The following ARHGAP6 variants were observed in gnomAD, a reference collection of about 807,000 sequenced individuals.
The protein encoded by ARHGAP6 is rho GTPase-activating protein 6.
ARHGAP6 carries 16 observed loss-of-function variants against 55.7 expected under a neutral mutation model. The observed-to-expected ratio is 0.29, with a 90% CI of 0.19 to 0.44. The LOEUF (loss-of-function observed/expected upper bound fraction) is 0.44, where lower values mean the gene tolerates loss of function less well. Ranked by LOEUF, ARHGAP6 falls within the 20% of genes least tolerant of loss-of-function variation. The probability of loss-of-function intolerance (pLI) is 1.00; values close to 1 mark genes in which losing one functional copy is unlikely to be tolerated. For missense variants in ARHGAP6, 698 were observed against 808.9 expected, an observed-to-expected ratio of 0.86 and a Z score of 1.66; for synonymous variants, 382 against 360.9, an observed-to-expected ratio of 1.06 and a Z score of -0.66.
intron 1 of ARHGAP6, among the ~76,000 whole-genome samples, chrX:11,356,176 C>T (rs1328503214): frequency 9.1e-6 from 1 of 110,368 alleles, no homozygotes; most frequent in East Asian, 2.8e-4. Flanking sequence ...TAGTTTGACA[C>T]ACCACATGTT....
At chrX:11,276,189 T>TC (rs752686362) in intron 1 of ARHGAP6, among the ~76,000 whole-genome samples, 6 of 111,206 alleles carry the variant, frequency 5.4e-5, no homozygotes, top group Non-Finnish European at 1.1e-4. Flanking sequence ...GATACGTCCC[T>TC]CCTATGTAAC....
rs1354007468 is a variant in ARHGAP6, at chrX:11,435,504, T to C, written c.589-180797A>G. ...ACCATGGGCATCAGCATCACTTGGG[T>C]GGGTTTTTAAAAATAGATTTTGAGG... On this transcript the variant is annotated intron_variant, in intron 1 of 12. Transcript: ENST00000337414. Among the ~76,000 whole-genome samples the C allele has an allele frequency of 6.3e-5, 7 of 111,861 alleles. No individual in the cohort carries two copies. In the East Asian group the frequency reaches 2.0e-3, roughly 31 times the overall value.
chrX:11,429,892 A>G (rs1480988854), intron 1 of ARHGAP6, among the ~76,000 whole-genome samples: 3 of 112,316 alleles, frequency 2.7e-5, no homozygotes, highest in Non-Finnish European at 5.6e-5. Context: ...CAGCCAGGGC[A>G]GCCTGATGGG....
chrX:11,552,599 T>TATATATATATATATATACAC (rs1491079107), intron 1 of ARHGAP6, among the ~76,000 whole-genome samples: 1 of 48,230 alleles, frequency 2.1e-5, no homozygotes, highest in African/African-American at 9.0e-5. Context: ...TATATATATA[T>TATATATATATATATATACAC]AGACACACAC....
chrX:11,580,745 A>G (rs916790860), intron 1 of ARHGAP6, among the ~76,000 whole-genome samples: 1 of 112,467 alleles, frequency 8.9e-6, no homozygotes. Context: ...CAGTGAGAAT[A>G]TATTATATTT....
intron 1 of ARHGAP6, among the ~76,000 whole-genome samples, chrX:11,357,232 A>G (rs746750076): frequency 6.3e-5 from 7 of 111,800 alleles, no homozygotes; most frequent in Non-Finnish European, 1.3e-4. Context: ...ACCGACCCCA[A>G]ACTGCATTGA....
chrX:11,178,927 CCCT>C (rs1467875255), intron 7 of ARHGAP6, among the ~76,000 whole-genome samples: 1 of 111,644 alleles, frequency 9.0e-6, no homozygotes, highest in African/African-American at 3.3e-5. Flanking sequence ...AATGTTGCTG[CCCT>C]CCTTTCTCAC....
chrX:11,370,167 T>A (rs2049128276), intron 1 of ARHGAP6, among the ~76,000 whole-genome samples: 1 of 112,396 alleles, frequency 8.9e-6, no homozygotes, highest in Non-Finnish European at 1.9e-5. Context: ...AAAAGTTTAA[T>A]AGACCAACTC....
chrX:11,316,027 T>C (rs2048356443), intron 1 of ARHGAP6, among the ~76,000 whole-genome samples: 1 of 111,995 alleles, frequency 8.9e-6, no homozygotes, highest in Non-Finnish European at 1.9e-5. Flanking sequence ...AAACTTCCAC[T>C]CTCTATCACC....
At chrX:11,298,493 C>T in intron 1 of ARHGAP6, 1 of 1,200,261 alleles carries the variant, frequency 8.3e-7, no homozygotes, top group South Asian at 1.8e-5. Flanking sequence ...ACTGCTGCTT[C>T]TCTGGTTGGA....
At chrX:11,431,023 T>C (rs1200822725) in intron 1 of ARHGAP6, among the ~76,000 whole-genome samples, 1 of 112,477 alleles carries the variant, frequency 8.9e-6, no homozygotes, top group African/African-American at 3.2e-5. Context: ...AAAATGCACA[T>C]TTGATCCTTT....
intron 1 of ARHGAP6, chrX:11,299,081 A>G: frequency 2.1e-6 from 2 of 948,662 alleles, no homozygotes; most frequent in Admixed American, 5.2e-5. Context: ...GAGTTGTAGT[A>G]GTTACAGGTC....
At chrX:11,147,873 A>C (rs1043056326) in intron 10 of ARHGAP6, among the ~76,000 whole-genome samples, 2 of 112,381 alleles carry the variant, frequency 1.8e-5, no homozygotes, top group Non-Finnish European at 3.8e-5. Context: ...GTGAGAAAAG[A>C]AAGAAAAACT....
At chrX:11,538,311 G>T (rs2051123680) in intron 1 of ARHGAP6, among the ~76,000 whole-genome samples, 1 of 112,226 alleles carries the variant, frequency 8.9e-6, no homozygotes, top group Non-Finnish European at 1.9e-5. Flanking sequence ...ACTATCAGAA[G>T]ATCATGGACT....
At chrX:11,259,157 T>C (rs1011036903) in intron 1 of ARHGAP6, among the ~76,000 whole-genome samples, 2 of 111,424 alleles carry the variant, frequency 1.8e-5, no homozygotes, top group African/African-American at 6.5e-5. Flanking sequence ...CTTCCAAGCC[T>C]GTGGTAACCG....
chrX:11,336,602 A>C lies in ARHGAP6; in HGVS notation c.589-81895T>G, dbSNP rs1440124660. Among the ~76,000 whole-genome samples the C allele has an allele frequency of 3.6e-5, 4 of 111,927 alleles. No homozygotes were observed. In the Admixed American group the frequency reaches 3.8e-4, roughly 11 times the overall value. ...CCAATTGGCCAAACTTGAAACCAACAAGAAGGCCTTCCAATGTCCACATCT... is the reference window on the plus strand; with the variant it reads ...CCAATTGGCCAAACTTGAAACCAACCAGAAGGCCTTCCAATGTCCACATCT... On this transcript the variant is annotated intron_variant, in intron 1 of 12. Transcript: ENST00000337414.
rs1359330124 is a variant in ARHGAP6 at position 11,475,803 on chromosome X, A to G, written c.588+188438T>C. On this transcript the variant is annotated intron_variant, in intron 1 of 12. Transcript: ENST00000337414. ...TCATTGCTGAAGTAAAAAAAAAAAA[A>G]GCACCACAGACTAGGAGAAATTTTT... is the stretch of plus-strand genomic sequence containing the variant. 2.7e-5 allele frequency among the ~76,000 whole-genome samples: 3 copies of G among 110,172 alleles called. No individual in the cohort carries two copies. The Admixed American group carries it at 2.9e-4, about 11-fold the overall frequency.
At chrX:11,362,857 T>A (rs1435606110) in intron 1 of ARHGAP6, among the ~76,000 whole-genome samples, 1 of 111,276 alleles carries the variant, frequency 9.0e-6, no homozygotes, top group Non-Finnish European at 1.9e-5. Flanking sequence ...GCATTAGTAA[T>A]TTGTTTATCG....
At chrX:11,223,921 C>T (rs1026206894) in intron 2 of ARHGAP6, among the ~76,000 whole-genome samples, 3 of 111,596 alleles carry the variant, frequency 2.7e-5, no homozygotes, top group African/African-American at 3.3e-5. Flanking sequence ...GATAGCTGCT[C>T]TAGTAGTCAG....
Sources: allele counts gnomAD v4.1 joint callset (sites outside exome capture counted in the v4.1 genomes callset), GRCh38; gene constraint gnomAD v4.1.1; transcripts MANE v1.5; gene names NCBI Gene and HGNC (gene_info 2026-07-23, HGNC 2026-07-21).